ITGB3BP: variants seen among roughly 807,000 people sequenced by gnomAD.
ITGB3BP encodes integrin subunit beta 3 binding protein, also known as centromere protein R.
A neutral mutation model predicts 29.1 loss-of-function variants in ITGB3BP; 27 were observed. That is an observed-to-expected ratio of 0.93 (90% CI 0.68 to 1.28). The LOEUF is 1.28. Among genes scored for constraint, ITGB3BP ranks in the 50% most tolerant of loss-of-function variants. The pLI is 0.00. For missense variants in ITGB3BP, 192 were observed against 200.2 expected (o/e 0.96, Z 0.25); for synonymous variants, 61 against 61.4 (o/e 0.99, Z 0.03).
chr1:63,444,645 C>A (rs1196052173), intron 8 of ITGB3BP, among the ~76,000 whole-genome samples: 1 of 111,670 alleles, frequency 9.0e-6, no homozygotes, highest in African/African-American at 3.0e-5. Context: ...ATATATATAT[C>A]TCCTATTACA....
rs1265599144 is a variant in ITGB3BP at position 63,454,175 on chromosome 1, G to A, written c.428-201C>T. The stretch of plus-strand genomic sequence containing the variant: ...AATGCCTACTACCAGTTTCCAAGGT[G>A]CATTCTTTTCATTCACATTCAAGAA... On this transcript the variant is annotated intron_variant, in intron 6 of 8. Coordinates refer to ENST00000271002, the MANE Select transcript of ITGB3BP (RefSeq NM_014288.5). The surrounding 1 kb of genome is among the most constrained non-coding windows in gnomAD (Gnocchi z 4.1). 1.3e-5 allele frequency among the ~76,000 whole-genome samples: 2 copies of A among 151,912 alleles called. No individual in the cohort carries two copies. The highest frequency in any genetic ancestry group is 4.8e-5 in the African/African-American group (2 of 41,402).
At chr1:63,463,020 G>A (rs1301607627) in intron 4 of ITGB3BP, among the ~76,000 whole-genome samples, 2 of 152,116 alleles carry the variant, frequency 1.3e-5, no homozygotes, top group African/African-American at 4.8e-5. Context: ...TTGGAAGGCT[G>A]AGGTGGGTGG....
chr1:63,524,235 A>G (rs973665238), upstream of ITGB3BP, among the ~76,000 whole-genome samples: 7 of 152,228 alleles, frequency 4.6e-5, no homozygotes, highest in Non-Finnish European at 8.8e-5. Context: ...ATTCTCCCTT[A>G]CTTCTTGAAA....
intron 2 of ITGB3BP, among the ~76,000 whole-genome samples, chr1:63,505,039 G>A (rs1018042981): frequency 7.2e-5 from 11 of 152,200 alleles, no homozygotes; most frequent in African/African-American, 2.2e-4. Context: ...ATGCATCAGG[G>A]AGGATTCCCT....
intron 3 of ITGB3BP, among the ~76,000 whole-genome samples, chr1:63,483,616 C>T (rs1300364311): frequency 6.6e-6 from 1 of 152,020 alleles, no homozygotes; most frequent in Non-Finnish European, 1.5e-5. Flanking sequence ...TTATGTTGTT[C>T]CTTTTCAGTC....
At chr1:63,516,893 A>C (rs372173755) in intron 1 of ITGB3BP, among the ~76,000 whole-genome samples, 20 of 152,064 alleles carry the variant, frequency 1.3e-4, no homozygotes, top group Admixed American at 5.2e-4. Context: ...TTTCGGGTAC[A>C]ATGTTCACTA....
At chr1:63,465,278 CTG>C (rs987274440) in intron 4 of ITGB3BP, among the ~76,000 whole-genome samples, 2 of 152,076 alleles carry the variant, frequency 1.3e-5, no homozygotes, top group African/African-American at 4.8e-5. Context: ...ATTTGCGACT[CTG>C]GGGGAGTGTT....
At chr1:63,464,054 A>T (rs1480245310) in intron 4 of ITGB3BP, among the ~76,000 whole-genome samples, 1 of 152,194 alleles carries the variant, frequency 6.6e-6, no homozygotes, top group African/African-American at 2.4e-5. Flanking sequence ...CACAAGAAAT[A>T]GGTAGAAGGA....
At position 63,440,875 on chromosome 1, in the gene ITGB3BP, T is replaced by G. The variant is rs1047048916; in HGVS notation, c.*230A>C. 6.6e-6 allele frequency: 1 copy of G among 152,642 alleles called. No individual in the cohort carries two copies. The highest frequency in any genetic ancestry group is 1.5e-5 in the Non-Finnish European group (1 of 68,046). 9.5% of individuals were successfully genotyped at this position (152,642 alleles called of 1,614,324 possible). ...TCAAGATCTTCCTCTCCATGTTGGC[T>G]TACATTAAAGAGCCAAGAAGAAATG... is the stretch of plus-strand genomic sequence containing the variant. On this transcript the variant is annotated 3_prime_UTR_variant, in exon 9 of 9. Transcript: ENST00000271002.
chr1:63,523,835 A>G (rs1646524521), upstream of ITGB3BP, among the ~76,000 whole-genome samples: 2 of 152,158 alleles, frequency 1.3e-5, no homozygotes, highest in Non-Finnish European at 2.9e-5. Flanking sequence ...CTGTGACGGT[A>G]TTTCACTGTG....
chr1:63,508,783 T>C (rs944358579), intron 1 of ITGB3BP, among the ~76,000 whole-genome samples: 2 of 152,128 alleles, frequency 1.3e-5, no homozygotes, highest in African/African-American at 2.4e-5. Context: ...CATAATTAAA[T>C]ATTTAAATGA....
chr1:63,495,795 A>ACCCCTTTT (rs1016139830), intron 2 of ITGB3BP, among the ~76,000 whole-genome samples: 17 of 152,184 alleles, frequency 1.1e-4, no homozygotes, highest in Admixed American at 1.1e-3. Context: ...ACTCTAGGCA[A>ACCCCTTTT]CCCCTTTTCC....
upstream of ITGB3BP, chr1:63,523,448 G>C (rs565505946): frequency 2.9e-5 from 13 of 452,574 alleles, no homozygotes; most frequent in African/African-American, 2.2e-4. Context: ...GTGCGCTCCG[G>C]ATCAGCGCTT....
chr1:63,453,996 T>C (rs765776000), intron 6 of ITGB3BP, 22 bp from the exon 7 acceptor site: 18 of 1,424,826 alleles, frequency 1.3e-5, no homozygotes, highest in Non-Finnish European at 1.8e-5. Flanking sequence ...AAAAATCCCA[T>C]GTCAAGAATT....
intron 4 of ITGB3BP, among the ~76,000 whole-genome samples, chr1:63,473,705 C>T (rs867946313): frequency 0.2 from 8,871 of 45,266 alleles, 708 homozygotes; most frequent in East Asian, 0.33. Context: ...CCGCCCCGTC[C>T]GGGAGGTGAG....
At chr1:63,472,173 G>A (rs1178302228) in intron 4 of ITGB3BP, among the ~76,000 whole-genome samples, 2 of 148,644 alleles carry the variant, frequency 1.3e-5, no homozygotes, top group African/African-American at 5.0e-5. Flanking sequence ...TTTTCGGTTT[G>A]TCCTAAGGCT....
At chr1:63,496,215 C>A (rs1418888533) in intron 2 of ITGB3BP, among the ~76,000 whole-genome samples, 1 of 151,956 alleles carries the variant, frequency 6.6e-6, no homozygotes, top group Non-Finnish European at 1.5e-5. Context: ...ACCTTAGCCT[C>A]CTGAGTAATT....
In ITGB3BP at chr1:63,504,072, G is replaced by A. The variant is rs866232125; in HGVS notation, c.48+4456C>T. ...AAGAAAGTCATTGGTAGCTTGATGG[G>A]GATGGCATTGAATCTATAAATTACC... On this transcript the variant is annotated intron_variant, in intron 2 of 8. Transcript: ENST00000271002. Among the ~76,000 whole-genome samples the A allele has an allele frequency of 1.0e-3, 155 of 151,778 alleles. 2 individuals are homozygous for A. Among genetic ancestry groups the A allele is most frequent in the African/African-American group, 3.4e-3 (138 of 41,176 alleles).
intron 1 of ITGB3BP, 130 bp downstream of exon 1, chr1:63,522,999 C>T (rs779044973): frequency 9.6e-7 from 1 of 1,040,852 alleles, no homozygotes; most frequent in East Asian, 2.4e-5. Context: ...AAGGGAATTG[C>T]CTGTGGACAG....
Sources: allele counts gnomAD v4.1 joint callset (sites outside exome capture counted in the v4.1 genomes callset), GRCh38; gene constraint gnomAD v4.1.1; non-coding constraint Gnocchi (gnomAD v3.1); transcripts MANE v1.5; gene names NCBI Gene and HGNC (gene_info 2026-07-23, HGNC 2026-07-21).